WDPCP: variants seen among roughly 807,000 people sequenced by gnomAD.
WDPCP encodes WD repeat-containing and planar cell polarity effector protein fritz homolog.
In WDPCP, 71 loss-of-function variants were observed where a neutral mutation model predicts 93.1. The ratio of observed to expected loss-of-function variants is 0.76; its 90% CI spans 0.63 to 0.93. The LOEUF is 0.93. Ranked by LOEUF, WDPCP falls within the 40% of genes least tolerant of loss-of-function variation. The pLI is 0.00. For synonymous variants in WDPCP, 315 were observed against 315.0 expected, an observed-to-expected ratio of 1.00 and a Z score of 0.00; for missense variants, 844 against 887.4, an observed-to-expected ratio of 0.95 and a Z score of 0.62.
Position 63,588,201 on chromosome 2 carries a change from C to T in WDPCP, c.71G>A (p.Arg24Lys), listed in dbSNP as rs906798293. 4.7e-5 allele frequency: 73 copies of T among 1,567,694 alleles called. No homozygotes were observed. The highest frequency in any genetic ancestry group is 6.2e-5 in the Non-Finnish European group (71 of 1,154,024). The stretch of plus-strand genomic sequence containing the variant: ...TGCCCTCGGGCCAGGGCTCACCTGT[C>T]TCGGGAGTGGGGAAGAAGCGCGACT... The part of the protein sequence containing the change: ...AGSRASSPLP[R>K]QDRDSFCHQM... Residue 24 changes from arginine to lysine, a missense_variant, in exon 1 of 18, where the codon AGA becomes AAA. By Grantham distance (26) the Arg-to-Lys change is conservative. Transcript: ENST00000272321.
At chr2:63,818,873 TG>T in intron 1 of WDPCP, among the ~76,000 whole-genome samples, 1 of 152,328 alleles carries the variant, frequency 6.6e-6, no homozygotes, top group African/African-American at 2.4e-5. Context: ...TATGAGCTTC[TG>T]GGGCTGCAAT....
chr2:63,674,044 A>G (rs1232356525), intron 2 of WDPCP, among the ~76,000 whole-genome samples: 1 of 152,118 alleles, frequency 6.6e-6, no homozygotes, highest in African/African-American at 2.4e-5. Flanking sequence ...CATGTCCCCA[A>G]AGCCTCAGGC....
chr2:63,343,685 C>G (rs896330534), intron 12 of WDPCP, among the ~76,000 whole-genome samples: 2 of 152,044 alleles, frequency 1.3e-5, no homozygotes, highest in African/African-American at 4.8e-5. Flanking sequence ...CATATACAGA[C>G]TCTGTTCATT....
Position 63,598,565 on chromosome 2 carries a change from A to G in WDPCP, n.488+52094T>C, listed in dbSNP as rs1709360865. Among the ~76,000 whole-genome samples, 3 of 152,212 alleles carry G rather than the reference A, an allele frequency of 2.0e-5. No individual in the cohort carries two copies. The South Asian group carries it at 6.2e-4, about 32-fold the overall frequency. ...AAAAAAGGTGAAAGAAAATTTTTTA[A>G]GATTTTTTAAGTTGCCCATTATAAT... On this transcript the variant is annotated intron_variant and non_coding_transcript_variant, in intron 3 of 4. Transcript: ENST00000467687.
At chr2:63,182,342 A>AT (rs1283987177) in intron 14 of WDPCP, among the ~76,000 whole-genome samples, 3 of 151,808 alleles carry the variant, frequency 2.0e-5, no homozygotes, top group African/African-American at 7.2e-5. Context: ...TTTGTTGAGG[A>AT]TTTTATCACA....
At chr2:63,194,610 T>C (rs1675284366) in intron 14 of WDPCP, among the ~76,000 whole-genome samples, 1 of 152,180 alleles carries the variant, frequency 6.6e-6, no homozygotes, top group Non-Finnish European at 1.5e-5. Context: ...AAATCTTTGA[T>C]ATGAGTTGAT....
chr2:63,166,354 C>T (rs1214342224), intron 15 of WDPCP, among the ~76,000 whole-genome samples: 4 of 151,874 alleles, frequency 2.6e-5, no homozygotes, highest in Admixed American at 1.3e-4. Flanking sequence ...CATGAGCCAC[C>T]GTGCCTGGCT....
chr2:63,639,162 A>G (rs2106634392), intron 3 of WDPCP, among the ~76,000 whole-genome samples: 1 of 151,528 alleles, frequency 6.6e-6, no homozygotes, highest in African/African-American at 2.4e-5. Context: ...GAGTGAACCT[A>G]GGAGGCGGAG....
rs1262018440 is a variant in WDPCP, at chr2:63,565,023, G to A, written c.75+23174C>T. On this transcript the variant is annotated intron_variant, in intron 1 of 17. Coordinates refer to ENST00000272321, the MANE Select transcript of WDPCP (RefSeq NM_015910.7). ...TGATCTCCTGACCTCATGATCTGCC[G>A]CCTTGGCCTCCAAAGGTGCTGGGAT... is the stretch of plus-strand genomic sequence containing the variant. 3.3e-5 allele frequency among the ~76,000 whole-genome samples: 5 copies of A among 152,064 alleles called. No individual in the cohort carries two copies. In the East Asian group the frequency reaches 7.7e-4, roughly 23 times the overall value.
chr2:63,126,853 C>G (rs1669944417), intron 17 of WDPCP, among the ~76,000 whole-genome samples: 1 of 151,254 alleles, frequency 6.6e-6, no homozygotes, highest in Non-Finnish European at 1.5e-5. Context: ...TTTTTTTAAA[C>G]TTTTATTTTT....
At chr2:63,269,002 C>G (rs2699388) in intron 13 of WDPCP, among the ~76,000 whole-genome samples, 1 of 151,986 alleles carries the variant, frequency 6.6e-6, no homozygotes, top group African/African-American at 2.4e-5. Context: ...AGAGAGCCAT[C>G]ATGAAACATT....
chr2:63,588,822 C>A, upstream of WDPCP: 1 of 603,658 alleles, frequency 1.7e-6, no homozygotes, highest in Admixed American at 2.9e-5. Flanking sequence ...AAAAAAACCT[C>A]TGGTATCGGG....
chr2:63,613,775 G>T (rs1456277257), intron 3 of WDPCP, among the ~76,000 whole-genome samples: 1 of 152,168 alleles, frequency 6.6e-6, no homozygotes, highest in Non-Finnish European at 1.5e-5. Context: ...GGAGTTTCTA[G>T]CCTTCTCTTA....
At chr2:63,205,992 A>G (rs1199871485) in intron 14 of WDPCP, among the ~76,000 whole-genome samples, 5 of 152,086 alleles carry the variant, frequency 3.3e-5, no homozygotes, top group African/African-American at 1.2e-4. Flanking sequence ...AAGCTGAGGT[A>G]TATTCTTTCT....
chr2:63,143,893 T>C lies in WDPCP; in HGVS notation c.2190+9021A>G, dbSNP rs185301322. Among the ~76,000 whole-genome samples, 254 of 152,342 alleles carry C rather than the reference T, an allele frequency of 1.7e-3. 1 individual carries two copies. Among genetic ancestry groups the C allele is most frequent in the African/African-American group, 5.7e-3 (238 of 41,584 alleles). ...AAGATTCTTTCTTTTGTCTTAACTT[T>C]GGATAACCTGATGACTATGTGCCTA... On this transcript the variant is annotated intron_variant, in intron 17 of 17. Transcript: ENST00000272321.
chr2:63,333,710 G>A (rs1294241054), intron 12 of WDPCP, among the ~76,000 whole-genome samples: 5 of 152,316 alleles, frequency 3.3e-5, no homozygotes, highest in Non-Finnish European at 5.9e-5. Context: ...TTTCTTAAAT[G>A]TATTTAAGTC....
chr2:63,388,739 C>G (rs1360496398), intron 10 of WDPCP, among the ~76,000 whole-genome samples: 1 of 152,126 alleles, frequency 6.6e-6, no homozygotes, highest in Non-Finnish European at 1.5e-5. Flanking sequence ...GGCACGAGAA[C>G]TTTGTGATGC....
chr2:63,204,043 G>A (rs961476911), intron 14 of WDPCP, among the ~76,000 whole-genome samples: 2 of 152,272 alleles, frequency 1.3e-5, no homozygotes, highest in East Asian at 1.9e-4. Context: ...ATAGACTAAT[G>A]TACCTTCTTT....
intron 10 of WDPCP, among the ~76,000 whole-genome samples, chr2:63,390,072 C>A (rs946684652): frequency 3.9e-5 from 6 of 152,192 alleles, no homozygotes; most frequent in African/African-American, 1.4e-4. Flanking sequence ...GAATTCTCTA[C>A]CCCTAATCAA....
Sources: allele counts gnomAD v4.1 joint callset (sites outside exome capture counted in the v4.1 genomes callset), GRCh38; gene constraint gnomAD v4.1.1; transcripts MANE v1.5; gene names NCBI Gene and HGNC (gene_info 2026-07-23, HGNC 2026-07-21).